Variants in SATB1 observed in about 807,000 individuals in gnomAD.
SATB1 encodes the protein SATB homeobox 1, also known as DNA-binding protein SATB1.
Under a neutral mutation model 86.9 loss-of-function variants are expected in SATB1, and 11 were observed. The observed-to-expected ratio is 0.13, with a 90% CI of 0.08 to 0.21. SATB1 has a LOEUF of 0.21. SATB1 is among the 10% of genes least tolerant of loss of function. SATB1 has a pLI of 1.00. For synonymous variants in SATB1, 357 were observed against 357.2 expected, an observed-to-expected ratio of 1.00 and a Z score of 0.01; for missense variants, 551 against 937.6, an observed-to-expected ratio of 0.59 and a Z score of 5.39.
intron 5 of SATB1, among the ~76,000 whole-genome samples, chr3:18,408,203 A>G (rs1697644811): frequency 6.6e-6 from 1 of 152,016 alleles, no homozygotes; most frequent in African/African-American, 2.4e-5. Flanking sequence ...AAGAGAACAA[A>G]GTTTCAGAGT....
rs182143785 is a variant in SATB1, at chr3:18,349,827, C to T, written c.1780-145G>A. ...GATTTAGAAAGAAAAGGTAGGCCGG[C>T]GAAATGGCCGACAGCATTTACAAAA... is the stretch of plus-strand genomic sequence containing the variant. On this transcript the variant is annotated intron_variant, in intron 10 of 10. Transcript: ENST00000338745. This position sits in a 1 kb window ranked among gnomAD's most constrained non-coding sequence, Gnocchi z 5.5. 5.6e-4 allele frequency: 761 copies of T among 1,356,932 alleles called. 5 individuals are homozygous for T. The highest frequency in any genetic ancestry group is 4.0e-3 in the Middle Eastern group (15 of 3,710). The allele number at this position is 1,356,932 out of a possible 1,614,324, so 84.1% of individuals were successfully genotyped here.
chr3:18,385,702 G>A (rs1035223081), intron 8 of SATB1, among the ~76,000 whole-genome samples: 2 of 151,966 alleles, frequency 1.3e-5, no homozygotes, highest in Non-Finnish European at 2.9e-5. Context: ...TTTATCTAAG[G>A]GTTTGTAATG....
upstream of SATB1, among the ~76,000 whole-genome samples, chr3:18,426,305 G>C (rs1368084313): frequency 6.6e-6 from 1 of 152,190 alleles, no homozygotes; most frequent in African/African-American, 2.4e-5. This position sits in a 1 kb window ranked among gnomAD's most constrained non-coding sequence, Gnocchi z 4.2. Context: ...AGAATACTTT[G>C]GAAGAAGAAA....
At position 18,444,493 on chromosome 3, in the gene SATB1, G is replaced by A. The variant is rs1699328014; in HGVS notation, c.-25+1025C>T. ...AGAGGGGAGCCCAGCCGCCCCAATAGGGGACGAGGAGTGGGTGCTACGGAG... is the reference window on the plus strand; with the variant it reads ...AGAGGGGAGCCCAGCCGCCCCAATAAGGGACGAGGAGTGGGTGCTACGGAG... On this transcript the variant is annotated intron_variant, in intron 1 of 3. Transcript: ENST00000415069. The surrounding 1 kb of genome is among the most constrained non-coding windows in gnomAD (Gnocchi z 5.1). 4 of 775,708 alleles carry A rather than the reference G, an allele frequency of 5.2e-6. No individual in the cohort carries two copies. In the African/African-American group the frequency reaches 7.5e-5, roughly 15 times the overall value. The allele number at this position is 775,708 out of a possible 1,614,324, so 48.1% of individuals were successfully genotyped here.
intron 9 of SATB1, among the ~76,000 whole-genome samples, chr3:18,366,866 C>T (rs1036325375): frequency 9.9e-5 from 15 of 152,080 alleles, no homozygotes; most frequent in African/African-American, 3.1e-4. Flanking sequence ...ATCACTTTTC[C>T]GCCTACCCCC....
At chr3:18,371,928 T>G (rs889996963) in intron 9 of SATB1, among the ~76,000 whole-genome samples, 3 of 152,200 alleles carry the variant, frequency 2.0e-5, no homozygotes, top group Non-Finnish European at 4.4e-5. Flanking sequence ...TGAAACCTTG[T>G]TGATTTGCTG....
chr3:18,388,612 C>T (rs1696468253), intron 7 of SATB1, among the ~76,000 whole-genome samples: 1 of 152,032 alleles, frequency 6.6e-6, no homozygotes, highest in African/African-American at 2.4e-5. Flanking sequence ...ATGGAGAAAA[C>T]AATCACAAAC....
In SATB1 at chr3:18,415,995, G is replaced by C. The variant is rs757424383; in HGVS notation, c.515+12C>G. The C allele has an allele frequency of 6.3e-7, 1 of 1,578,374 alleles. No individual in the cohort carries two copies. The highest frequency in any genetic ancestry group is 1.4e-5 in the African/African-American group (1 of 73,846). Reference sequence around the variant, plus strand: ...AAGAATGTTTCACCCTAGATTTGCTGTCTTGACTCACCTGTGTAACTGAAT... The same window carrying C: ...AAGAATGTTTCACCCTAGATTTGCTCTCTTGACTCACCTGTGTAACTGAAT... On this transcript the variant is annotated intron_variant, in intron 4 of 10. Transcript: ENST00000338745.
At chr3:18,369,927 G>A (rs1695381020) in intron 9 of SATB1, among the ~76,000 whole-genome samples, 1 of 152,206 alleles carries the variant, frequency 6.6e-6, no homozygotes, top group South Asian at 2.1e-4. Flanking sequence ...TTGTGCAGGT[G>A]TGACCTTGTG....
In SATB1 at chr3:18,386,556, G is replaced by C; in HGVS notation, c.1262C>G (p.Ser421Cys). Residue 421 changes from serine (S) to cysteine (C), a missense_variant, in exon 8 of 11, where the codon TCT (serine) becomes TGT (cysteine). This residue lies in a region of SATB1 where 110 missense variants were observed against 212.2 expected (regional missense o/e 0.52). Transcript: ENST00000338745. The surrounding 1 kb of genome is among the most constrained non-coding windows in gnomAD (Gnocchi z 4.5). ...CATAGCCCGAAGGTTTACCAGCAAA[G>C]ACTGGGATGCAGTCTTGGGGTCCTC... is the stretch of plus-strand genomic sequence containing the variant. ...KEEDPKTASQ[S>C]LLVNLRAMQN... The C allele has an allele frequency of 6.2e-7, 1 of 1,614,146 alleles. No individual in the cohort carries two copies. Among genetic ancestry groups the C allele is most frequent in the Non-Finnish European group, 8.5e-7 (1 of 1,180,000 alleles).
At position 18,352,289 on chromosome 3, in the gene SATB1, CTT is replaced by C; in HGVS notation, c.1576-96_1576-95del. ...AAAAAGGAAAAACCCTATGAATTAA[CTT>C]TTTCATAAGCTCAGAACACACCATT... On this transcript the variant is annotated intron_variant, in intron 9 of 10. Coordinates refer to ENST00000338745, the MANE Select transcript of SATB1 (RefSeq NM_002971.6). This position sits in a 1 kb window ranked among gnomAD's most constrained non-coding sequence, Gnocchi z 4.1. 2 of 1,071,956 alleles carry C rather than the reference CTT, an allele frequency of 1.9e-6. No individual in the cohort carries two copies. The highest frequency in any genetic ancestry group is 2.8e-6 in the Non-Finnish European group (2 of 720,574). The allele number at this position is 1,071,956 out of a possible 1,614,324, so 66.4% of individuals were successfully genotyped here. A position where few individuals can be genotyped will look rare whatever the true frequency, so the allele number is the denominator to read the frequency against.
chr3:18,413,270 G>A (rs1697951384), intron 5 of SATB1, among the ~76,000 whole-genome samples: 1 of 152,162 alleles, frequency 6.6e-6, no homozygotes, highest in Non-Finnish European at 1.5e-5. Flanking sequence ...TTATAGTGAG[G>A]TAGAGTTTAT....
intron 9 of SATB1, among the ~76,000 whole-genome samples, chr3:18,368,892 C>T (rs1189142474): frequency 6.6e-6 from 1 of 152,124 alleles, no homozygotes; most frequent in Non-Finnish European, 1.5e-5. Context: ...ACCAGCTTAT[C>T]TGCCTTCTTA....
Position 18,346,441 on chromosome 3 carries a change from G to A in SATB1, c.*2729C>T, listed in dbSNP as rs1054155532. On this transcript the variant is annotated 3_prime_UTR_variant, in exon 11 of 11. Coordinates refer to ENST00000338745, the MANE Select transcript of SATB1 (RefSeq NM_002971.6). Reference sequence around the variant, plus strand: ...ATTTTACCATAGCCACAGGTAACAAGAGGAGGATTGGCATGAGCGATAAAT... The same window carrying A: ...ATTTTACCATAGCCACAGGTAACAAAAGGAGGATTGGCATGAGCGATAAAT... 3 of 152,132 alleles carry A rather than the reference G, an allele frequency of 2.0e-5. No homozygotes were observed. Among genetic ancestry groups the A allele is most frequent in the African/African-American group, 7.2e-5 (3 of 41,436 alleles). 9.4% of individuals were successfully genotyped at this position (152,132 alleles called of 1,614,324 possible).
chr3:18,411,894 A>G (rs567062093), intron 5 of SATB1, among the ~76,000 whole-genome samples: 4 of 152,250 alleles, frequency 2.6e-5, no homozygotes, highest in African/African-American at 9.6e-5. Context: ...AATCAAACTA[A>G]GCCCACTTAT....
At chr3:18,416,852 A>G in intron 3 of SATB1, 50 bp downstream of exon 3, 2 of 1,492,286 alleles carry the variant, frequency 1.3e-6, no homozygotes. Flanking sequence ...TCTGCAAGGT[A>G]AACAAAGAAT....
At chr3:18,440,770 T>C (rs1699220585), upstream of SATB1, among the ~76,000 whole-genome samples, 1 of 151,838 alleles carries the variant, frequency 6.6e-6, no homozygotes, top group Non-Finnish European at 1.5e-5. Context: ...GTAAACCAAT[T>C]TGTAAAAATC....
intron 2 of SATB1, among the ~76,000 whole-genome samples, chr3:18,433,054 C>A (rs1308164675): frequency 6.6e-6 from 1 of 152,092 alleles, no homozygotes; most frequent in Non-Finnish European, 1.5e-5. Flanking sequence ...TAATTAGAGA[C>A]CAAGATCCCA....
rs576873230 is a variant in SATB1, at chr3:18,392,392, C to T, written c.1206+2070G>A. 3.3e-5 allele frequency among the ~76,000 whole-genome samples: 5 copies of T among 152,174 alleles called. No homozygotes were observed. The East Asian group carries it at 9.7e-4, about 29-fold the overall frequency. ...ATAGTAATGGCTGTAACATCATAAA[C>T]CCAAAAGGAGAAAAGCTGTAATGAT... On this transcript the variant is annotated intron_variant, in intron 7 of 10. Transcript: ENST00000338745.
Sources: allele counts gnomAD v4.1 joint callset (sites outside exome capture counted in the v4.1 genomes callset), GRCh38; gene constraint gnomAD v4.1.1; regional missense constraint gnomAD v4.1.1; non-coding constraint Gnocchi (gnomAD v3.1); transcripts MANE v1.5; gene names NCBI Gene and HGNC (gene_info 2026-07-23, HGNC 2026-07-21).